The following ADGRG7 variants were observed in gnomAD, a reference collection of about 807,000 sequenced individuals.
ADGRG7 encodes adhesion G protein-coupled receptor G7.
In ADGRG7, 82 loss-of-function variants were observed where a neutral mutation model predicts 88.6. The observed-to-expected ratio is 0.93, with a 90% confidence interval of 0.77 to 1.11. ADGRG7 has a LOEUF of 1.11. ADGRG7 is among the 50% of genes most tolerant of loss of function. ADGRG7 has a pLI of 0.00. For missense variants in ADGRG7, 945 were observed against 953.4 expected, an observed-to-expected ratio of 0.99 and a Z score of 0.12; for synonymous variants, 381 against 345.2, an observed-to-expected ratio of 1.10 and a Z score of -1.15.
chr3:100,693,383 G>T (rs540521904), intron 15 of ADGRG7, among the ~76,000 whole-genome samples: 6 of 152,178 alleles, frequency 3.9e-5, no homozygotes, highest in Non-Finnish European at 7.3e-5. Context: ...TCTGAAACCT[G>T]TGTCTCCAAG....
At chr3:100,681,396 C>T (rs575434188) in intron 15 of ADGRG7, among the ~76,000 whole-genome samples, 8 of 151,654 alleles carry the variant, frequency 5.3e-5, no homozygotes, top group South Asian at 4.2e-4. Context: ...CTGCAACCTC[C>T]GCTTCCCGGG....
chr3:100,649,076 C>T (rs969114417), intron 10 of ADGRG7, among the ~76,000 whole-genome samples: 6 of 152,058 alleles, frequency 3.9e-5, no homozygotes, highest in African/African-American at 1.2e-4. Context: ...ACTTAGAGTC[C>T]AGTTACACAT....
intron 15 of ADGRG7, among the ~76,000 whole-genome samples, chr3:100,670,197 T>G (rs146544621): frequency 3.1e-4 from 47 of 152,110 alleles, no homozygotes; most frequent in Non-Finnish European, 5.9e-4. Flanking sequence ...ATCATTCTAC[T>G]CTCTATCTCC....
intron 1 of ADGRG7, among the ~76,000 whole-genome samples, chr3:100,617,875 T>C (rs1707247781): frequency 1.3e-5 from 2 of 152,158 alleles, no homozygotes; most frequent in African/African-American, 4.8e-5. Flanking sequence ...CTCCAGCACC[T>C]GTTGTTTCCT....
Position 100,643,419 on chromosome 3 carries a change from C to T in ADGRG7, c.838+14C>T. On this transcript the variant is annotated intron_variant, in intron 7 of 15. Transcript: ENST00000273352. ...CTGTGCAGAAAGGTGAGCTGTTAAT[C>T]TTATGTGCTTGTAACAGCAAAGAGC... The T allele has an allele frequency of 6.2e-7, 1 of 1,613,460 alleles. No homozygotes were observed. Among genetic ancestry groups the T allele is most frequent in the Non-Finnish European group, 8.5e-7 (1 of 1,179,706 alleles).
intron 15 of ADGRG7, among the ~76,000 whole-genome samples, chr3:100,687,786 T>C (rs1247792664): frequency 1.3e-5 from 2 of 152,210 alleles, no homozygotes; most frequent in African/African-American, 2.4e-5. Flanking sequence ...TGCCAGTATT[T>C]TATTGAGGAT....
intron 15 of ADGRG7, among the ~76,000 whole-genome samples, chr3:100,692,343 TC>T (rs754875870): frequency 1.7e-4 from 26 of 152,278 alleles, no homozygotes; most frequent in Admixed American, 5.2e-4. Flanking sequence ...AAATGGAAAC[TC>T]CTAGAAGATC....
chr3:100,690,838 C>T (rs575332255), intron 15 of ADGRG7, among the ~76,000 whole-genome samples: 30 of 152,354 alleles, frequency 2.0e-4, no homozygotes, highest in Non-Finnish European at 4.1e-4. Context: ...AGGAGGCAGT[C>T]TGCCCGTTCT....
chr3:100,685,759 T>A (rs1296451880), intron 15 of ADGRG7, among the ~76,000 whole-genome samples: 42 of 152,224 alleles, frequency 2.8e-4, no homozygotes, highest in African/African-American at 1.0e-3. Context: ...CACATTTTCT[T>A]CATCCAGTCT....
chr3:100,613,506 T>A (rs149710461), intron 1 of ADGRG7, among the ~76,000 whole-genome samples: 4 of 151,686 alleles, frequency 2.6e-5, no homozygotes, highest in African/African-American at 9.7e-5. Flanking sequence ...CCAGTCTTCC[T>A]TCTTGCTTCC....
chr3:100,693,134 C>A (rs1373555389), intron 15 of ADGRG7, among the ~76,000 whole-genome samples: 1 of 152,174 alleles, frequency 6.6e-6, no homozygotes, highest in Admixed American at 6.5e-5. Flanking sequence ...TCCACCCAAA[C>A]AGGTCCAACA....
At chr3:100,645,920 T>G in intron 8 of ADGRG7, 25 bp from the exon 9 acceptor site, 2 of 1,601,524 alleles carry the variant, frequency 1.2e-6, no homozygotes, top group Non-Finnish European at 1.7e-6. Flanking sequence ...CACTTATTGA[T>G]TTTAATGTCT....
chr3:100,680,045 C>G (rs1368451307), intron 15 of ADGRG7, among the ~76,000 whole-genome samples: 3 of 152,256 alleles, frequency 2.0e-5, no homozygotes, highest in Non-Finnish European at 4.4e-5. Flanking sequence ...AATATTTTTG[C>G]CTGATTCTCT....
chr3:100,640,440 T>C (rs1449070300), intron 6 of ADGRG7, among the ~76,000 whole-genome samples: 1 of 152,100 alleles, frequency 6.6e-6, no homozygotes, highest in Non-Finnish European at 1.5e-5. Context: ...TCTGTCAAAG[T>C]GGGCAGAGCT....
chr3:100,646,506 G>C lies in ADGRG7; in HGVS notation c.1111-63G>C, dbSNP rs951028791. On this transcript the variant is annotated intron_variant, in intron 9 of 15. Coordinates refer to ENST00000273352, the MANE Select transcript of ADGRG7 (RefSeq NM_032787.3). ...CTCAGATGACTGTCTTATACTACTT[G>C]ATTTTTTTTAACCCAATTAAGTATT... 26 of 1,357,924 alleles carry C rather than the reference G, an allele frequency of 1.9e-5. No individual in the cohort carries two copies. In the East Asian group the frequency reaches 3.7e-4, roughly 19 times the overall value. The allele number at this position is 1,357,924 out of a possible 1,614,324, so 84.1% of individuals were successfully genotyped here.
intron 1 of ADGRG7, among the ~76,000 whole-genome samples, chr3:100,620,314 A>C (rs1445952862): frequency 3.3e-5 from 5 of 152,350 alleles, no homozygotes; most frequent in African/African-American, 1.2e-4. Context: ...AAACTATATG[A>C]TTATCTCAAT....
rs772605600 is a variant in ADGRG7, at chr3:100,635,851, A to C, written c.597+25A>C. The C allele has an allele frequency of 2.7e-5, 42 of 1,573,724 alleles. 1 individual carries two copies. Among genetic ancestry groups the C allele is most frequent in the Non-Finnish European group, 3.6e-5 (42 of 1,161,086 alleles). On this transcript the variant is annotated intron_variant, in intron 5 of 15. Transcript: ENST00000273352. ...GGTAAAACTCACAGAGCTTTAAAAA[A>C]AATTTTTTTTTTATTTTTAGAGGGG...
chr3:100,640,473 G>C (rs548982253), intron 6 of ADGRG7, among the ~76,000 whole-genome samples: 9 of 152,194 alleles, frequency 5.9e-5, no homozygotes, highest in African/African-American at 2.2e-4. Context: ...GGTTTCTGCT[G>C]GTGAGGGCAT....
chr3:100,655,153 C>T lies in ADGRG7; in HGVS notation c.1698C>T (p.Phe566=). Residue 566 remains phenylalanine, a synonymous_variant, in exon 12 of 16, where the codon TTC becomes TTT. Coordinates refer to ENST00000273352, the MANE Select transcript of ADGRG7 (RefSeq NM_032787.3). ...CCATGAAGCCTCTTCCTCGGCATTT[C>T]ATTCTTTTCATCTCATTAATTGGAT... The part of the protein sequence containing the change: ...IRTMKPLPRH[F]ILFISLIGWG... The T allele has an allele frequency of 6.2e-7, 1 of 1,611,362 alleles. No individual in the cohort carries two copies. Among genetic ancestry groups the T allele is most frequent in the South Asian group, 1.1e-5 (1 of 90,866 alleles).
Sources: allele counts gnomAD v4.1 joint callset (sites outside exome capture counted in the v4.1 genomes callset), GRCh38; gene constraint gnomAD v4.1.1; transcripts MANE v1.5; gene names NCBI Gene and HGNC (gene_info 2026-07-23, HGNC 2026-07-21).